The following NTM variants were observed in gnomAD, a reference collection of about 807,000 sequenced individuals.
NTM encodes the protein neurotrimin, also known as IgLON family member 2.
In NTM, 13 loss-of-function variants were observed where a neutral mutation model predicts 42.1. That is an observed-to-expected ratio of 0.31 (90% CI 0.20 to 0.49). NTM has a LOEUF of 0.49. NTM is among the 20% of genes least tolerant of loss of function. The pLI, the probability that NTM is intolerant of heterozygous loss-of-function variation, is 0.99. For missense variants in NTM, 373 were observed against 452.8 expected (o/e 0.82, Z 1.60); for synonymous variants, 187 against 179.2 (o/e 1.04, Z -0.35).
chr11:131,680,108 G>T (rs1320437963), intron 1 of NTM, among the ~76,000 whole-genome samples: 1 of 152,090 alleles, frequency 6.6e-6, no homozygotes, highest in Non-Finnish European at 1.5e-5. Flanking sequence ...TGTGAACCCA[G>T]ACAAAGACAG....
intron 1 of NTM, among the ~76,000 whole-genome samples, chr11:131,652,260 C>T (rs1341758933): frequency 6.6e-6 from 1 of 152,174 alleles, no homozygotes; most frequent in African/African-American, 2.4e-5. Context: ...TGAATAGAGA[C>T]ATGATCATTG....
chr11:131,454,775 G>A (rs976958150), intron 1 of NTM, among the ~76,000 whole-genome samples: 5 of 144,996 alleles, frequency 3.4e-5, no homozygotes, highest in Admixed American at 6.8e-5. Context: ...CCTGATCTGT[G>A]GACATCCTCC....
chr11:132,311,159 G>A (rs910643567), intron 6 of NTM, among the ~76,000 whole-genome samples: 2 of 152,148 alleles, frequency 1.3e-5, no homozygotes, highest in African/African-American at 4.8e-5. Flanking sequence ...CAAGTGAATG[G>A]CCGCCCACGC....
rs10667464 is a variant in NTM at position 131,668,250 on chromosome 11, CTCTATCTA to C, written c.83-243278_83-243271del. Among the ~76,000 whole-genome samples, 1,190 of 147,786 alleles carry C rather than the reference CTCTATCTA, an allele frequency of 8.1e-3. 25 individuals are homozygous for C. The highest frequency in any genetic ancestry group is 4.6e-3 in the African/African-American group (185 of 40,072). ...CATATATGTGTGCATGTATATCTAC[CTCTATCTA>C]TCTATCTATCTATCTATCTATCTAT... On this transcript the variant is annotated intron_variant, in intron 1 of 8. Transcript: ENST00000683400.
Position 132,269,431 on chromosome 11 carries a change from T to G in NTM, c.527-38258T>G, listed in dbSNP as rs759093424. 3.9e-5 allele frequency among the ~76,000 whole-genome samples: 6 copies of G among 152,298 alleles called. 1 individual carries two copies. Among genetic ancestry groups the G allele is most frequent in the Admixed American group, 1.3e-4 (2 of 15,294 alleles). Reference sequence around the variant, plus strand: ...CTATCCCACTAAAATGGGCAAATATTTCACTACCGTTTGGTACTTCTCTAT... The same window carrying G: ...CTATCCCACTAAAATGGGCAAATATGTCACTACCGTTTGGTACTTCTCTAT... On this transcript the variant is annotated intron_variant, in intron 4 of 8. Transcript: ENST00000683400.
intron 1 of NTM, among the ~76,000 whole-genome samples, chr11:131,421,489 A>G (rs185757545): frequency 2.6e-5 from 4 of 152,278 alleles, no homozygotes; most frequent in Non-Finnish European, 5.9e-5. Flanking sequence ...TACCAAGACT[A>G]ATGATCTGGT....
chr11:131,703,675 G>A (rs2076293188), intron 1 of NTM, among the ~76,000 whole-genome samples: 1 of 152,196 alleles, frequency 6.6e-6, no homozygotes, highest in African/African-American at 2.4e-5. Flanking sequence ...CACCTTGGTG[G>A]AGCACAGAAA....
At chr11:132,173,447 C>T (rs547227953) in intron 3 of NTM, among the ~76,000 whole-genome samples, 79 of 152,308 alleles carry the variant, frequency 5.2e-4, no homozygotes, top group African/African-American at 1.7e-3. Flanking sequence ...TTTTAAACCA[C>T]AGTGCTATAT....
At chr11:131,987,711 G>C (rs917808775) in intron 2 of NTM, among the ~76,000 whole-genome samples, 1 of 152,126 alleles carries the variant, frequency 6.6e-6, no homozygotes. Context: ...CTTCACTTAG[G>C]CTTCTATCAA....
intron 7 of NTM, among the ~76,000 whole-genome samples, chr11:132,321,786 G>C (rs59411102): frequency 6.7e-6 from 1 of 149,112 alleles, no homozygotes; most frequent in Non-Finnish European, 1.5e-5. Context: ...GAGAAAGGTC[G>C]GGTTACCCTC....
chr11:131,910,579 C>T (rs1256505335), intron 1 of NTM, among the ~76,000 whole-genome samples: 1 of 151,108 alleles, frequency 6.6e-6, no homozygotes, highest in Non-Finnish European at 1.5e-5. Context: ...GGAGCTGCTG[C>T]CATGACAACC....
chr11:131,403,554 A>G (rs1303448534), intron 1 of NTM, among the ~76,000 whole-genome samples: 1 of 152,170 alleles, frequency 6.6e-6, no homozygotes, highest in African/African-American at 2.4e-5. Context: ...AAAAAACCCA[A>G]TGTGGTCTGT....
At chr11:132,107,659 T>A (rs994850743) in intron 2 of NTM, among the ~76,000 whole-genome samples, 2 of 152,140 alleles carry the variant, frequency 1.3e-5, no homozygotes, top group Non-Finnish European at 2.9e-5. Flanking sequence ...CATGAGCCAC[T>A]GTGCCTGACT....
chr11:132,241,192 G>A (rs1346883209), intron 4 of NTM, among the ~76,000 whole-genome samples: 2 of 152,056 alleles, frequency 1.3e-5, no homozygotes, highest in Admixed American at 6.5e-5. Context: ...AACACTTCTG[G>A]TCCAAAGCAT....
intron 1 of NTM, chr11:131,502,986 A>G (rs1456021125): frequency 1.3e-5 from 2 of 152,368 alleles, no homozygotes. Flanking sequence ...ACAAGGGAAG[A>G]TGAGGAAGTA....
chr11:132,321,823 G>A lies in NTM; in HGVS notation c.934+7120G>A, dbSNP rs1448785219. 4.6e-3 allele frequency among the ~76,000 whole-genome samples: 688 copies of A among 149,780 alleles called. 7 individuals carry two copies. Among genetic ancestry groups the A allele is most frequent in the African/African-American group, 3.7e-3 (151 of 40,594 alleles). On this transcript the variant is annotated intron_variant, in intron 7 of 8. Transcript: ENST00000683400. Reference sequence around the variant, plus strand: ...AAGGGAAGCCCATCAGACTAACAGCGGATCTCTCGGCAGAAACCCTACAAG... The same window carrying A: ...AAGGGAAGCCCATCAGACTAACAGCAGATCTCTCGGCAGAAACCCTACAAG...
chr11:132,164,871 C>T (rs1353092811), intron 3 of NTM, among the ~76,000 whole-genome samples: 1 of 152,164 alleles, frequency 6.6e-6, no homozygotes, highest in Non-Finnish European at 1.5e-5. Context: ...AACAAAGATG[C>T]CATGGAGATT....
chr11:132,059,592 T>A (rs549124002), intron 2 of NTM, among the ~76,000 whole-genome samples: 34 of 152,210 alleles, frequency 2.2e-4, no homozygotes, highest in South Asian at 2.1e-3. Context: ...GTCCTATAAA[T>A]TGAGAAACAG....
intron 1 of NTM, among the ~76,000 whole-genome samples, chr11:131,626,637 G>A (rs1175158427): frequency 6.6e-6 from 1 of 152,140 alleles, no homozygotes; most frequent in African/African-American, 2.4e-5. Context: ...GGGAAAACAG[G>A]CATTAATTTG....
Sources: allele counts gnomAD v4.1 joint callset (sites outside exome capture counted in the v4.1 genomes callset), GRCh38; gene constraint gnomAD v4.1.1; transcripts MANE v1.5; gene names NCBI Gene and HGNC (gene_info 2026-07-23, HGNC 2026-07-21).